The following SLC12A7 variants were observed in gnomAD, a reference collection of about 807,000 sequenced individuals.
The protein encoded by SLC12A7 is solute carrier family 12 member 7, also known as K-Cl cotransporter 4.
SLC12A7 carries 100 observed loss-of-function variants against 120.6 expected under a neutral mutation model. The ratio of observed to expected loss-of-function variants is 0.83; its 90% CI spans 0.71 to 0.98. The LOEUF (loss-of-function observed/expected upper bound fraction) is 0.98. SLC12A7 is among the 50% of genes least tolerant of loss of function. SLC12A7 has a pLI of 0.00. For missense variants in SLC12A7, 1,373 were observed against 1,548.1 expected (o/e 0.89, Z 1.90); for synonymous variants, 760 against 678.0 (o/e 1.12, Z -1.88).
At chr5:1,135,364 AGGGCCTT>A in the SLC12A7 span, among the ~76,000 whole-genome samples, 1 of 128,514 alleles carries the variant, frequency 7.8e-6, no homozygotes, top group Non-Finnish European at 1.6e-5. Flanking sequence ...TCCGTTTTCC[AGGGCCTT>A]GGACAAATGC....
At chr5:1,134,575 G>A in the SLC12A7 span, among the ~76,000 whole-genome samples, 1 of 152,166 alleles carries the variant, frequency 6.6e-6, no homozygotes, top group Admixed American at 6.5e-5. Flanking sequence ...CTACCGGTGG[G>A]AGTGTAAATT....
chr5:1,052,874 C>T (rs1735200781), intron 23 of SLC12A7, among the ~76,000 whole-genome samples: 1 of 152,238 alleles, frequency 6.6e-6, no homozygotes, highest in Non-Finnish European at 1.5e-5. Context: ...CAGGCGTCAC[C>T]CTGTCTGTGC....
At chr5:1,091,271 C>T (rs576573439) in intron 3 of SLC12A7, among the ~76,000 whole-genome samples, 1 of 152,280 alleles carries the variant, frequency 6.6e-6, no homozygotes, top group African/African-American at 2.4e-5. Flanking sequence ...CCTGCCTGGA[C>T]GTTTCAGTCA....
chr5:1,141,812 G>A, the SLC12A7 span, among the ~76,000 whole-genome samples: 3 of 152,168 alleles, frequency 2.0e-5, no homozygotes, highest in Admixed American at 6.5e-5. Flanking sequence ...GAGACAAGAG[G>A]GTTCGCCGGG....
intron 1 of SLC12A7, among the ~76,000 whole-genome samples, chr5:1,095,137 TG>T (rs201449821): frequency 0.04 from 5,929 of 149,216 alleles, 147 homozygotes; most frequent in Non-Finnish European, 0.064. Context: ...GCAGCAGAGC[TG>T]TCGCCCTCCC....
chr5:1,134,051 A>G, the SLC12A7 span, among the ~76,000 whole-genome samples: 69,528 of 152,012 alleles, frequency 0.46, 18,311 homozygotes, highest in African/African-American at 0.74. Flanking sequence ...CCAGACAGCC[A>G]GAGCCTAGTA....
intron 7 of SLC12A7, 102 bp downstream of exon 7, chr5:1,085,130 G>T: frequency 1.3e-6 from 2 of 1,488,818 alleles, no homozygotes; most frequent in Non-Finnish European, 1.8e-6. Flanking sequence ...CACCCCTTGC[G>T]GGGAGCTCGG....
intron 1 of SLC12A7, among the ~76,000 whole-genome samples, chr5:1,095,003 G>A (rs974971462): frequency 3.8e-4 from 44 of 115,860 alleles, no homozygotes; most frequent in Middle Eastern, 4.3e-3. Flanking sequence ...TAGAAGATAG[G>A]GTCGGTAGGA....
intron 22 of SLC12A7, 185 bp downstream of exon 22, chr5:1,057,286 G>A: frequency 1.7e-6 from 1 of 602,144 alleles, no homozygotes; most frequent in South Asian, 2.4e-5. Context: ...TGAACTCAGG[G>A]CCCGGCCTTG....
the SLC12A7 span, among the ~76,000 whole-genome samples, chr5:1,141,116 G>T: frequency 2.6e-5 from 4 of 152,222 alleles, no homozygotes; most frequent in Admixed American, 1.3e-4. Flanking sequence ...TGGCTGGGCT[G>T]CTCCCCTGAG....
At chr5:1,147,233 T>A in the SLC12A7 span, among the ~76,000 whole-genome samples, 2 of 136,766 alleles carry the variant, frequency 1.5e-5, no homozygotes, top group Non-Finnish European at 3.1e-5. Flanking sequence ...ACTCTCCTCA[T>A]CACGGCCCAC....
Position 1,060,925 on chromosome 5 carries a change from C to T in SLC12A7, c.2740-474G>A, listed in dbSNP as rs962742295. 3.7e-5 allele frequency among the ~76,000 whole-genome samples: 5 copies of T among 135,054 alleles called. No homozygotes were observed. In the South Asian group the frequency reaches 6.6e-4, roughly 18 times the overall value. The allele number at this position is 135,054 out of a possible 152,430, so 88.6% of individuals were successfully genotyped here. On this transcript the variant is annotated intron_variant, in intron 20 of 23. Transcript: ENST00000264930. The stretch of plus-strand genomic sequence containing the variant: ...CCTGGGTCTCACCCATTGCACCCAC[C>T]GTGCGGGACCCCTGCGCCTCACCCG...
intron 16 of SLC12A7, 83 bp from the exon 17 acceptor site, chr5:1,073,884 CG>C (rs1198103483): frequency 1.9e-5 from 24 of 1,263,074 alleles, no homozygotes; most frequent in Middle Eastern, 2.0e-4. Context: ...ATGGGACGGG[CG>C]GGGCACACGA....
the SLC12A7 span, among the ~76,000 whole-genome samples, chr5:1,123,150 C>A: frequency 6.6e-6 from 1 of 152,344 alleles, no homozygotes; most frequent in Admixed American, 6.5e-5. Context: ...TGATTTCTGT[C>A]CTATTTTTAC....
At chr5:1,148,590 G>T in the SLC12A7 span, among the ~76,000 whole-genome samples, 1 of 152,232 alleles carries the variant, frequency 6.6e-6, no homozygotes, top group Admixed American at 6.5e-5. Flanking sequence ...TTTAGCTGTA[G>T]ATTGAATTGG....
At chr5:1,074,151 T>G (rs1452494169) in intron 16 of SLC12A7, among the ~76,000 whole-genome samples, 1 of 151,500 alleles carries the variant, frequency 6.6e-6, no homozygotes, top group African/African-American at 2.4e-5. Context: ...GACACACACC[T>G]GAAGCCCCCA....
intron 8 of SLC12A7, among the ~76,000 whole-genome samples, chr5:1,082,515 G>A (rs1185607000): frequency 4.3e-5 from 6 of 139,706 alleles, no homozygotes; most frequent in Non-Finnish European, 6.2e-5. Flanking sequence ...GGGGAAGTCC[G>A]GGCTTCCCGT....
At chr5:1,053,198 C>A in intron 23 of SLC12A7, 151 bp downstream of exon 23, 1 of 1,013,774 alleles carries the variant, frequency 9.9e-7, no homozygotes. Flanking sequence ...GGCTCAGAGC[C>A]CCACTGCATC....
chr5:1,094,192 CTT>C lies in SLC12A7; in HGVS notation c.179_180del (p.Gln60ArgfsTer5), dbSNP rs1740854814. On this transcript the variant is annotated frameshift_variant, in exon 2 of 24. Coordinates refer to ENST00000264930, the MANE Select transcript of SLC12A7 (RefSeq NM_006598.3). LOFTEE classifies it high-confidence loss of function. ...SPFLNNVEVE[Q>X]ESFFEGKNMA... The stretch of plus-strand genomic sequence containing the variant: ...ATGTTCTTCCCTTCAAAGAAGCTCT[CTT>C]GTTCCACCTCGACATTGTTGAGGAA... 1.2e-6 allele frequency: 2 copies of C among 1,613,790 alleles called. No homozygotes were observed. The highest frequency in any genetic ancestry group is 1.7e-6 in the Non-Finnish European group (2 of 1,179,936).
Sources: allele counts gnomAD v4.1 joint callset (sites outside exome capture counted in the v4.1 genomes callset), GRCh38; gene constraint gnomAD v4.1.1; transcripts MANE v1.5; gene names NCBI Gene and HGNC (gene_info 2026-07-23, HGNC 2026-07-21).